The following RANBP3 variants were observed in gnomAD, a reference collection of about 807,000 sequenced individuals.
RANBP3 encodes the protein RAN binding protein 3.
RANBP3 carries 14 observed loss-of-function variants against 77.3 expected under a neutral mutation model. That is an observed-to-expected ratio of 0.18 (90% confidence interval 0.12 to 0.28). RANBP3 has a LOEUF of 0.28. Among genes scored for constraint, RANBP3 ranks in the 10% least tolerant of loss-of-function variants. The pLI, the probability that RANBP3 is intolerant of heterozygous loss-of-function variation, is 1.00. For synonymous variants in RANBP3, 315 were observed against 312.4 expected (o/e 1.01, Z -0.09); for missense variants, 586 against 752.3 (o/e 0.78, Z 2.59).
chr19:5,965,697 C>G (rs573385476), intron 1 of RANBP3: 1 of 152,236 alleles, frequency 6.6e-6, no homozygotes, highest in African/African-American at 2.4e-5. Flanking sequence ...TTTCCCAACG[C>G]TCCAGGTGAA....
intron 1 of RANBP3, among the ~76,000 whole-genome samples, chr19:5,970,342 T>G (rs1433812732): frequency 1.3e-5 from 2 of 152,040 alleles, no homozygotes; most frequent in African/African-American, 2.4e-5. Context: ...TCACCGCCTC[T>G]CTCCCTCCCC....
chr19:5,955,394 G>A (rs1343237717), intron 2 of RANBP3, among the ~76,000 whole-genome samples: 2 of 152,140 alleles, frequency 1.3e-5, no homozygotes, highest in Non-Finnish European at 2.9e-5. Context: ...GTGAGCCACC[G>A]TGTCTGGCCT....
chr19:5,944,543 G>C (rs2058179524), intron 3 of RANBP3, among the ~76,000 whole-genome samples: 2 of 152,206 alleles, frequency 1.3e-5, no homozygotes, highest in Admixed American at 1.3e-4. Flanking sequence ...GCCCTCGACG[G>C]GCCCTTACAT....
chr19:5,929,433 G>A (rs2057958162), intron 8 of RANBP3, among the ~76,000 whole-genome samples: 1 of 152,240 alleles, frequency 6.6e-6, no homozygotes, highest in Non-Finnish European at 1.5e-5. Flanking sequence ...GGTGGGTGGA[G>A]CCCACAGAGT....
At chr19:5,931,580 C>T (rs767077520) in intron 7 of RANBP3, 49 bp from the exon 8 acceptor site, 1 of 1,568,640 alleles carries the variant, frequency 6.4e-7, no homozygotes, top group Non-Finnish European at 8.7e-7. Flanking sequence ...GGCGGCCCTC[C>T]CACCCCCACT....
intron 3 of RANBP3, among the ~76,000 whole-genome samples, chr19:5,943,446 C>T (rs2058165382): frequency 6.6e-6 from 1 of 152,222 alleles, no homozygotes; most frequent in Non-Finnish European, 1.5e-5. Context: ...CACATTTGGT[C>T]TCTGTCATAT....
chr19:5,935,020 G>C (rs367969421), intron 5 of RANBP3, among the ~76,000 whole-genome samples: 32 of 152,224 alleles, frequency 2.1e-4, no homozygotes, highest in African/African-American at 7.7e-4. Context: ...TTTCTTTTTG[G>C]GATGATGGAA....
intron 1 of RANBP3, among the ~76,000 whole-genome samples, chr19:5,962,018 G>T (rs1322437194): frequency 1.3e-5 from 2 of 152,044 alleles, no homozygotes; most frequent in African/African-American, 4.8e-5. Flanking sequence ...CACTGTGAGA[G>T]GCGTGCCTGC....
Position 5,916,610 on chromosome 19 carries a change from TCC to T in RANBP3, c.*998_*999del, listed in dbSNP as rs1007509858. The T allele has an allele frequency of 1.2e-4, 18 of 152,110 alleles. No individual in the cohort carries two copies. Among genetic ancestry groups the T allele is most frequent in the African/African-American group, 4.3e-4 (18 of 41,406 alleles). The allele number at this position is 152,110 out of a possible 1,614,324, so 9.4% of individuals were successfully genotyped here. A position where few individuals can be genotyped will look rare whatever the true frequency, so the allele number is the denominator to read the frequency against. On this transcript the variant is annotated 3_prime_UTR_variant, in exon 17 of 17. Transcript: ENST00000340578. ...CTCTTCCACCAAGATTTGGTGAGGG[TCC>T]CCCTCTGCCTCTCACAGAAGCCCCT... is the stretch of plus-strand genomic sequence containing the variant.
chr19:5,937,217 T>G lies in RANBP3; in HGVS notation c.407-3738A>C, dbSNP rs547139010. ...AGTCTAAAGTGTCTCTCAGAAACCA[T>G]CCAGCACAAAGGGGAAAGTAGCTTT... On this transcript the variant is annotated intron_variant, in intron 5 of 16. Coordinates refer to ENST00000340578, the MANE Select transcript of RANBP3 (RefSeq NM_007322.3). Among the ~76,000 whole-genome samples the G allele has an allele frequency of 5.9e-5, 9 of 151,896 alleles. No homozygotes were observed. The South Asian group carries it at 1.9e-3, about 32-fold the overall frequency.
chr19:5,922,288 T>G (rs1306775455), intron 13 of RANBP3, among the ~76,000 whole-genome samples: 1 of 152,224 alleles, frequency 6.6e-6, no homozygotes, highest in Non-Finnish European at 1.5e-5. Flanking sequence ...TACATGGCTT[T>G]CCACATACCC....
In RANBP3 at chr19:5,959,902, G is replaced by T. The variant is rs1358152335; in HGVS notation, c.23-1929C>A. Reference sequence around the variant, plus strand: ...ACTCTCCAACCCCATTTTCTTTAGGGAGCTACCCACCCCTCGTCCCCCTGT... The same window carrying T: ...ACTCTCCAACCCCATTTTCTTTAGGTAGCTACCCACCCCTCGTCCCCCTGT... On this transcript the variant is annotated intron_variant, in intron 1 of 16. Transcript: ENST00000340578. This position sits in a 1 kb window ranked among gnomAD's most constrained non-coding sequence, Gnocchi z 5.1. Among the ~76,000 whole-genome samples the T allele has an allele frequency of 1.3e-5, 2 of 152,118 alleles. No individual in the cohort carries two copies. The highest frequency in any genetic ancestry group is 2.9e-5 in the Non-Finnish European group (2 of 68,020).
chr19:5,977,016 A>G (rs762078793), intron 1 of RANBP3, among the ~76,000 whole-genome samples: 1 of 152,206 alleles, frequency 6.6e-6, no homozygotes, highest in Non-Finnish European at 1.5e-5. Context: ...TACCAGGGAA[A>G]ACAGTATGTC....
intron 1 of RANBP3, among the ~76,000 whole-genome samples, chr19:5,968,221 T>C (rs1290090539): frequency 6.6e-6 from 1 of 151,884 alleles, no homozygotes; most frequent in Non-Finnish European, 1.5e-5. Context: ...AGGAAGGAAA[T>C]CCAAGAACTA....
At chr19:5,945,084 C>T (rs2058187346) in intron 3 of RANBP3, among the ~76,000 whole-genome samples, 1 of 152,196 alleles carries the variant, frequency 6.6e-6, no homozygotes. Flanking sequence ...GTGGCTTATT[C>T]TGATCCTGGG....
At chr19:5,973,680 C>T (rs560717548) in intron 1 of RANBP3, among the ~76,000 whole-genome samples, 12 of 152,330 alleles carry the variant, frequency 7.9e-5, no homozygotes, top group African/African-American at 2.9e-4. Context: ...GGTTCACCCA[C>T]ACAATGGAGA....
intron 2 of RANBP3, among the ~76,000 whole-genome samples, chr19:5,957,619 C>T (rs1215613487): frequency 6.9e-6 from 1 of 145,300 alleles, no homozygotes; most frequent in East Asian, 2.2e-4. Flanking sequence ...TCCTAAGGTA[C>T]AGTGGCATTT....
At chr19:5,976,936 G>C (rs769038977) in intron 1 of RANBP3, among the ~76,000 whole-genome samples, 6 of 152,180 alleles carry the variant, frequency 3.9e-5, no homozygotes, top group Non-Finnish European at 8.8e-5. Flanking sequence ...ACACGCCTTG[G>C]ATAAGCGACT....
intron 5 of RANBP3, among the ~76,000 whole-genome samples, chr19:5,939,821 C>T (rs1445410281): frequency 1.3e-5 from 2 of 152,236 alleles, no homozygotes; most frequent in Non-Finnish European, 2.9e-5. Flanking sequence ...CTGATGACTA[C>T]AGTCAACTCT....
Sources: gnomAD v4.1 joint callset for allele counts (sites outside exome capture counted in the v4.1 genomes callset) on GRCh38, gnomAD v4.1.1 for gene constraint, Gnocchi (gnomAD v3.1) non-coding constraint, MANE v1.5 for transcripts, NCBI Gene and HGNC (gene_info 2026-07-23, HGNC 2026-07-21) for gene names.